The following CNTN4 variants were observed in gnomAD, a reference collection of about 807,000 sequenced individuals.
CNTN4 encodes contactin-4.
In CNTN4, 77 loss-of-function variants were observed where a neutral mutation model predicts 122.5. That is an observed-to-expected ratio of 0.63 (90% CI 0.52 to 0.76). CNTN4 has a LOEUF of 0.76. Ranked by LOEUF, CNTN4 falls within the 30% of genes least tolerant of loss-of-function variation. CNTN4 has a pLI of 0.00. For missense variants in CNTN4, 1,256 were observed against 1,259.1 expected, an observed-to-expected ratio of 1.00 and a Z score of 0.04; for synonymous variants, 512 against 447.0, an observed-to-expected ratio of 1.15 and a Z score of -1.83.
intron 4 of CNTN4, among the ~76,000 whole-genome samples, chr3:2,637,274 C>T (rs1414670754): frequency 6.6e-6 from 1 of 152,000 alleles, no homozygotes; most frequent in Non-Finnish European, 1.5e-5. Flanking sequence ...GGTGCTTAAA[C>T]CATTTTTTTA....
chr3:2,716,243 T>C (rs1024427300), intron 4 of CNTN4, among the ~76,000 whole-genome samples: 1 of 152,094 alleles, frequency 6.6e-6, no homozygotes, highest in Admixed American at 6.6e-5. Context: ...AACTCAAAGA[T>C]ATAACTTCTA....
At chr3:2,491,270 G>A (rs2076309481) in intron 3 of CNTN4, among the ~76,000 whole-genome samples, 1 of 152,244 alleles carries the variant, frequency 6.6e-6, no homozygotes, top group Non-Finnish European at 1.5e-5. Flanking sequence ...TAGAAATAAA[G>A]ATAGTTGTAA....
chr3:2,987,020 G>T (rs1352707924), intron 13 of CNTN4, among the ~76,000 whole-genome samples: 5 of 152,214 alleles, frequency 3.3e-5, no homozygotes, highest in African/African-American at 7.2e-5. Flanking sequence ...CGTAAACAGT[G>T]AGTTGGGAGA....
At chr3:2,199,764 A>G (rs1031449628) in intron 2 of CNTN4, among the ~76,000 whole-genome samples, 4 of 152,196 alleles carry the variant, frequency 2.6e-5, no homozygotes, top group African/African-American at 9.6e-5. Flanking sequence ...AATACATGGT[A>G]TGCAGAGAAT....
chr3:3,052,499 C>A (rs947096345), intron 23 of CNTN4, among the ~76,000 whole-genome samples: 2 of 152,142 alleles, frequency 1.3e-5, no homozygotes, highest in African/African-American at 2.4e-5. Context: ...CCAAAAACCA[C>A]TGACCTCATC....
chr3:2,489,159 C>T (rs149100251), intron 3 of CNTN4, among the ~76,000 whole-genome samples: 120 of 152,210 alleles, frequency 7.9e-4, no homozygotes, highest in African/African-American at 2.7e-3. Flanking sequence ...CTCAATTGAA[C>T]GGGAACTTAT....
intron 3 of CNTN4, among the ~76,000 whole-genome samples, chr3:2,513,944 A>C (rs1485048715): frequency 2.0e-5 from 3 of 152,132 alleles, no homozygotes; most frequent in African/African-American, 4.8e-5. Context: ...AAAAGTCTTG[A>C]ATTGTATATG....
chr3:2,983,725 A>G (rs978570369), intron 13 of CNTN4, among the ~76,000 whole-genome samples: 3 of 152,240 alleles, frequency 2.0e-5, no homozygotes, highest in African/African-American at 7.2e-5. Context: ...TAGAAGCATG[A>G]TTTGAGCCTA....
intron 4 of CNTN4, among the ~76,000 whole-genome samples, chr3:2,699,176 C>G (rs2086218001): frequency 1.3e-5 from 2 of 152,160 alleles, no homozygotes; most frequent in South Asian, 4.2e-4. Context: ...TAAAATACAC[C>G]CTCAGGGTAT....
chr3:2,441,421 A>G (rs1265442675), intron 3 of CNTN4, among the ~76,000 whole-genome samples: 3 of 152,212 alleles, frequency 2.0e-5, no homozygotes, highest in Non-Finnish European at 4.4e-5. Flanking sequence ...AAATAAAACT[A>G]TATTTCCCAA....
chr3:2,447,301 C>A (rs960448288), intron 3 of CNTN4, among the ~76,000 whole-genome samples: 10 of 152,084 alleles, frequency 6.6e-5, no homozygotes, highest in Non-Finnish European at 1.3e-4. Flanking sequence ...ACATTGCTCA[C>A]CAATCACAAA....
chr3:3,005,355 C>T (rs1322151029), intron 14 of CNTN4, among the ~76,000 whole-genome samples: 2 of 152,142 alleles, frequency 1.3e-5, no homozygotes, highest in Admixed American at 1.3e-4. Flanking sequence ...GATCATTTCT[C>T]TCTTCTCACA....
At chr3:2,602,515 A>G (rs1376773021) in intron 4 of CNTN4, among the ~76,000 whole-genome samples, 2 of 152,196 alleles carry the variant, frequency 1.3e-5, no homozygotes, top group Admixed American at 6.5e-5. Flanking sequence ...TAAAATACCT[A>G]GGAATCCAAC....
At chr3:2,646,158 A>G (rs1174694524) in intron 4 of CNTN4, among the ~76,000 whole-genome samples, 4 of 152,214 alleles carry the variant, frequency 2.6e-5, no homozygotes, top group East Asian at 3.8e-4. Context: ...CTAATTTCAC[A>G]TGGCATAACA....
At chr3:2,267,712 C>T (rs368464485) in intron 2 of CNTN4, among the ~76,000 whole-genome samples, 1 of 151,970 alleles carries the variant, frequency 6.6e-6, no homozygotes, top group Non-Finnish European at 1.5e-5. Context: ...CTTGAAAACA[C>T]CCATTGCTTC....
At chr3:3,039,129 G>A in intron 19 of CNTN4, 126 bp downstream of exon 19, 1 of 841,414 alleles carries the variant, frequency 1.2e-6, no homozygotes, top group Non-Finnish European at 2.0e-6. Flanking sequence ...TTTGGGTTCA[G>A]ACACTCCCTC....
At chr3:2,817,634 A>G (rs1025945957) in intron 6 of CNTN4, among the ~76,000 whole-genome samples, 1 of 152,154 alleles carries the variant, frequency 6.6e-6, no homozygotes, top group Non-Finnish European at 1.5e-5. Flanking sequence ...TCTTAATACT[A>G]TTTCTCTAAT....
intron 8 of CNTN4, chr3:2,882,690 G>A (rs1237127235): frequency 6.0e-6 from 1 of 165,610 alleles, no homozygotes; most frequent in Non-Finnish European, 1.3e-5. Context: ...TAAAAGTTGT[G>A]GCCACAGAAT....
At chr3:2,711,556 T>C (rs1361038185) in intron 4 of CNTN4, among the ~76,000 whole-genome samples, 1 of 152,124 alleles carries the variant, frequency 6.6e-6, no homozygotes, top group East Asian at 1.9e-4. Context: ...TTGGAGGACA[T>C]TTAGGATGAT....
Sources: allele counts gnomAD v4.1 joint callset (sites outside exome capture counted in the v4.1 genomes callset), GRCh38; gene constraint gnomAD v4.1.1; transcripts MANE v1.5; gene names NCBI Gene and HGNC (gene_info 2026-07-23, HGNC 2026-07-21).